CRIPT: variants seen among roughly 807,000 people sequenced by gnomAD.
The protein encoded by CRIPT is CXXC repeat containing interactor of PDZ3 domain, also known as cysteine-rich PDZ-binding protein.
Under a neutral mutation model 16.6 loss-of-function variants are expected in CRIPT, and 20 were observed. That is an observed-to-expected ratio of 1.20 (90% confidence interval 0.85 to 1.75). The LOEUF (loss-of-function observed/expected upper bound fraction) is 1.75. Ranked by LOEUF, CRIPT falls within the 40% of genes most tolerant of loss-of-function variation. The probability of loss-of-function intolerance (pLI) is 0.00; values close to 1 mark genes in which losing one functional copy is unlikely to be tolerated. For synonymous variants in CRIPT, 42 were observed against 37.0 expected, an observed-to-expected ratio of 1.14 and a Z score of -0.49; for missense variants, 133 against 115.3, an observed-to-expected ratio of 1.15 and a Z score of -0.70.
rs1481328430 is a variant in CRIPT at position 46,627,104 on chromosome 2, A to G, written c.*2877A>G. Among the ~76,000 whole-genome samples, 4 of 152,148 alleles carry G rather than the reference A, an allele frequency of 2.6e-5. No homozygotes were observed. Among genetic ancestry groups the G allele is most frequent in the African/African-American group, 7.2e-5 (3 of 41,428 alleles). On this transcript the variant is annotated 3_prime_UTR_variant, in exon 5 of 5. Transcript: ENST00000238892. ...CATCTCAGCCTCCCAAAGTGCTGGGATTACAGGAGTGAGCCACCACACCTG... is the reference window on the plus strand; with the variant it reads ...CATCTCAGCCTCCCAAAGTGCTGGGGTTACAGGAGTGAGCCACCACACCTG...
At chr2:46,622,908 G>T (rs562766533) in intron 3 of CRIPT, among the ~76,000 whole-genome samples, 179 of 151,524 alleles carry the variant, frequency 1.2e-3, no homozygotes, top group Non-Finnish European at 2.0e-3. Context: ...GTTCTAGGAC[G>T]GTGTTTCGTA....
chr2:46,629,355 T>C lies in CRIPT; in HGVS notation c.*5128T>C, dbSNP rs1268744417. Among the ~76,000 whole-genome samples the C allele has an allele frequency of 6.6e-6, 1 of 152,228 alleles. No homozygotes were observed. The highest frequency in any genetic ancestry group is 1.5e-5 in the Non-Finnish European group (1 of 68,030). On this transcript the variant is annotated 3_prime_UTR_variant, in exon 5 of 5. Coordinates refer to ENST00000238892, the MANE Select transcript of CRIPT (RefSeq NM_014171.6). ...CTTCATAAGAACAAGCATGCTGTCT[T>C]ACCCAAGTACAGCTATCAAGTTCAG... is the stretch of plus-strand genomic sequence containing the variant.
At position 46,621,500 on chromosome 2, in the gene CRIPT, C is replaced by G. The variant is rs145175633; in HGVS notation, c.137+1819C>G. Among the ~76,000 whole-genome samples, 334 of 152,266 alleles carry G rather than the reference C, an allele frequency of 2.2e-3. 2 individuals carry two copies. Among genetic ancestry groups the G allele is most frequent in the Admixed American group, 4.1e-3 (62 of 15,296 alleles). On this transcript the variant is annotated intron_variant, in intron 3 of 4. Transcript: ENST00000238892. Reference sequence around the variant, plus strand: ...TTTTCCTCATCTCTGCCTTAGTATCCTGTTAGAATTTTCTCTATAATACTA... The same window carrying G: ...TTTTCCTCATCTCTGCCTTAGTATCGTGTTAGAATTTTCTCTATAATACTA...
At chr2:46,617,431 A>G in intron 1 of CRIPT, 133 bp downstream of exon 1, 1 of 1,014,416 alleles carries the variant, frequency 9.9e-7, no homozygotes, top group African/African-American at 1.6e-5. Flanking sequence ...TTTCTACCCT[A>G]CCCTTTGACC....
Position 46,623,872 on chromosome 2 carries a change from G to T in CRIPT, c.241+5G>T. Reference sequence around the variant, plus strand: ...AGGGCTGTGCCTACAAAAAAGGTAAGTTTCTTTTAATACCGTTTTCTATTC... The same window carrying T: ...AGGGCTGTGCCTACAAAAAAGGTAATTTTCTTTTAATACCGTTTTCTATTC... On this transcript the variant is annotated splice_donor_5th_base_variant and intron_variant, in intron 4 of 4. Transcript: ENST00000238892. The T allele has an allele frequency of 6.3e-7, 1 of 1,584,800 alleles. No individual in the cohort carries two copies. Among genetic ancestry groups the T allele is most frequent in the Non-Finnish European group, 8.6e-7 (1 of 1,161,872 alleles).
chr2:46,617,866 C>A (rs544322292), intron 1 of CRIPT, among the ~76,000 whole-genome samples: 3 of 152,078 alleles, frequency 2.0e-5, no homozygotes, highest in Admixed American at 1.3e-4. Flanking sequence ...ATATTTGGAA[C>A]CTGGCGTTCA....
In CRIPT at chr2:46,623,781, A is replaced by G. The variant is rs767688021; in HGVS notation, c.155A>G (p.Lys52Arg). The G allele has an allele frequency of 7.5e-6, 12 of 1,605,454 alleles. No homozygotes were observed. The highest frequency in any genetic ancestry group is 1.7e-4 in the Middle Eastern group (1 of 6,060). ...ATTTCTAGATTTGATCCATATGGAA[A>G]GAATAAGTTCTCCACTTGTAGAATT... ...SKKARFDPYG[K>R]NKFSTCRICK... The change falls in exon 4 of 5, where the codon AAG (lysine) becomes AGG (arginine). Residue 52 changes from lysine to arginine, a missense_variant. Transcript: ENST00000238892.
chr2:46,624,047 T>TTTTTTTTC lies in CRIPT; in HGVS notation c.242-112_242-111insTTTCTTTT, dbSNP rs368904876. 1.1e-3 allele frequency: 510 copies of TTTTTTTTC among 472,264 alleles called. 4 individuals carry two copies. In the East Asian group the frequency reaches 0.016, roughly 15 times the overall value. The allele number at this position is 472,264 out of a possible 1,614,324, so 29.3% of individuals were successfully genotyped here. A position where few individuals can be genotyped will look rare whatever the true frequency, so the allele number is the denominator to read the frequency against. On this transcript the variant is annotated intron_variant, in intron 4 of 4. Coordinates refer to ENST00000238892, the MANE Select transcript of CRIPT (RefSeq NM_014171.6). ...AAATTATATATATATATATATTTTT[T>TTTTTTTTC]TTTTCTTTTCTTTTCTTTCCTGATG...
chr2:46,623,774 T>C lies in CRIPT; in HGVS notation c.148T>C (p.Tyr50His), dbSNP rs1248275508. The change falls in exon 4 of 5, where the codon TAT becomes CAT. Residue 50 changes from tyrosine (Y) to histidine (H), a missense_variant. Transcript: ENST00000238892. Reference protein sequence around the residue: ...LTSKKARFDPYGKNKFSTCRI... With the variant: ...LTSKKARFDPHGKNKFSTCRI... ...AAAAAAAATTTCTAGATTTGATCCA[T>C]ATGGAAAGAATAAGTTCTCCACTTG... 6.3e-7 allele frequency: 1 copy of C among 1,599,864 alleles called. No individual in the cohort carries two copies.
chr2:46,619,418 G>A (rs1310600916), intron 2 of CRIPT, among the ~76,000 whole-genome samples: 1 of 151,892 alleles, frequency 6.6e-6, no homozygotes, highest in Non-Finnish European at 1.5e-5. Context: ...TTGAGTCTGA[G>A]AAATAAAATG....
In CRIPT at chr2:46,624,834, A is replaced by G. The variant is rs1160731206; in HGVS notation, c.*607A>G. The stretch of plus-strand genomic sequence containing the variant: ...GTGACCAAGAACACAAGGAGCATCC[A>G]TATGGCCAAATAAATACACTGAATT... On this transcript the variant is annotated 3_prime_UTR_variant, in exon 5 of 5. Transcript: ENST00000238892. The G allele has an allele frequency of 6.6e-6, 1 of 152,228 alleles. No homozygotes were observed. Among genetic ancestry groups the G allele is most frequent in the African/African-American group, 2.4e-5 (1 of 41,450 alleles). 9.4% of individuals were successfully genotyped at this position (152,228 alleles called of 1,614,324 possible).
At position 46,628,516 on chromosome 2, in the gene CRIPT, C is replaced by A. The variant is rs2104183732; in HGVS notation, c.*4289C>A. ...GGCCATTTTAATGATATTGATTCTT[C>A]TAGCTCATGAGCTTGGAATGTTTTT... On this transcript the variant is annotated 3_prime_UTR_variant, in exon 5 of 5. Transcript: ENST00000238892. 2.0e-5 allele frequency among the ~76,000 whole-genome samples: 3 copies of A among 152,326 alleles called. 1 individual carries two copies. In the South Asian group the frequency reaches 6.2e-4, roughly 32 times the overall value.
At chr2:46,619,195 A>G (rs889284595) in intron 2 of CRIPT, among the ~76,000 whole-genome samples, 5 of 152,170 alleles carry the variant, frequency 3.3e-5, no homozygotes, top group Admixed American at 3.3e-4. Flanking sequence ...ATATTCTTGA[A>G]TAAATGCTTT....
intron 4 of CRIPT, 126 bp from the exon 5 acceptor site, chr2:46,624,037 A>C: frequency 2.5e-6 from 1 of 393,924 alleles, no homozygotes; most frequent in Non-Finnish European, 4.1e-6. Context: ...ATATATATAT[A>C]TATATTTTTT....
At chr2:46,624,009 C>A in intron 4 of CRIPT, 142 bp downstream of exon 4, 1 of 482,564 alleles carries the variant, frequency 2.1e-6, no homozygotes, top group Non-Finnish European at 3.3e-6. Flanking sequence ...AACCTAAAAC[C>A]TGTTTATAAT....
rs775314824 is a variant in CRIPT, at chr2:46,623,832, G to A, written c.206G>A (p.Gly69Asp). 1.9e-6 allele frequency: 3 copies of A among 1,609,970 alleles called. No individual in the cohort carries two copies. Among genetic ancestry groups the A allele is most frequent in the Non-Finnish European group, 2.5e-6 (3 of 1,177,728 alleles). ...TGTAAAAGTTCTGTGCACCAACCAGGTTCTCATTACTGCCAGGGCTGTGCC... is the reference window on the plus strand; with the variant it reads ...TGTAAAAGTTCTGTGCACCAACCAGATTCTCATTACTGCCAGGGCTGTGCC... ...RICKSSVHQP[G>D]SHYCQGCAYK... Residue 69 changes from glycine to aspartate, a missense_variant, in exon 4 of 5, where the codon GGT (glycine) becomes GAT (aspartate). Transcript: ENST00000238892.
chr2:46,628,723 A>G lies in CRIPT; in HGVS notation c.*4496A>G, dbSNP rs1671002932. The stretch of plus-strand genomic sequence containing the variant: ...CTCAGAACCATCTCCATATTCTCTA[A>G]ATAATAATAATGATGGTCATAAATT... On this transcript the variant is annotated 3_prime_UTR_variant, in exon 5 of 5. Coordinates refer to ENST00000238892, the MANE Select transcript of CRIPT (RefSeq NM_014171.6). 6.6e-6 allele frequency among the ~76,000 whole-genome samples: 1 copy of G among 152,156 alleles called. No individual in the cohort carries two copies. Among genetic ancestry groups the G allele is most frequent in the South Asian group, 2.1e-4 (1 of 4,830 alleles).
rs1415648173 is a variant in CRIPT, at chr2:46,617,233, G to C, written c.-50G>C. 1.9e-6 allele frequency: 3 copies of C among 1,551,474 alleles called. No homozygotes were observed. The highest frequency in any genetic ancestry group is 4.8e-5 in the East Asian group (2 of 41,244). ...CCAAGTTGTAGTGTTGTTGTTTTCA[G>C]CCTGCTGCTGCTGCTGCTGTTGCGG... On this transcript the variant is annotated 5_prime_UTR_variant, in exon 1 of 5. Coordinates refer to ENST00000238892, the MANE Select transcript of CRIPT (RefSeq NM_014171.6).
Position 46,618,780 on chromosome 2 carries a change from G to C in CRIPT, c.24G>C (p.Lys8Asn). 6.2e-7 allele frequency: 1 copy of C among 1,600,994 alleles called. No homozygotes were observed. Among genetic ancestry groups the C allele is most frequent in the South Asian group, 1.1e-5 (1 of 89,560 alleles). MVCEKCE[K>N]KLGTVITPDT... The stretch of plus-strand genomic sequence containing the variant: ...ACTATCTTGTTCTAACAGGTGAAAA[G>C]AAACTTGGTACTGTTATCACTCCAG... Residue 8 changes from lysine (K) to asparagine (N), a missense_variant, in exon 2 of 5, where the codon AAG (lysine) becomes AAC (asparagine). Coordinates refer to ENST00000238892, the MANE Select transcript of CRIPT (RefSeq NM_014171.6).
Sources: gnomAD v4.1 joint callset for allele counts (sites outside exome capture counted in the v4.1 genomes callset) on GRCh38, gnomAD v4.1.1 for gene constraint, MANE v1.5 for transcripts, NCBI Gene and HGNC (gene_info 2026-07-23, HGNC 2026-07-21) for gene names.